Variants in ST7 observed in about 807,000 individuals in gnomAD.
ST7 encodes the protein suppression of tumorigenicity 7, also known as suppressor of tumorigenicity 7 protein.
ST7 carries 28 observed loss-of-function variants against 78.7 expected under a neutral mutation model. The observed-to-expected ratio is 0.36, with a 90% CI of 0.26 to 0.49. The LOEUF (loss-of-function observed/expected upper bound fraction) is 0.49. Ranked by LOEUF, ST7 falls within the 20% of genes least tolerant of loss-of-function variation. The pLI, the probability that ST7 is intolerant of heterozygous loss-of-function variation, is 0.99. For synonymous variants in ST7, 247 were observed against 249.6 expected (o/e 0.99, Z 0.10); for missense variants, 418 against 696.0 (o/e 0.60, Z 4.49).
At chr7:117,110,674 G>T (rs950962730) in intron 2 of ST7, among the ~76,000 whole-genome samples, 1 of 152,218 alleles carries the variant, frequency 6.6e-6, no homozygotes, top group Non-Finnish European at 1.5e-5. Context: ...TAGCAGTAGC[G>T]TGGTGTAGAT....
intron 1 of ST7, among the ~76,000 whole-genome samples, chr7:117,037,494 A>G (rs1157545750): frequency 6.6e-6 from 1 of 152,224 alleles, no homozygotes; most frequent in Non-Finnish European, 1.5e-5. Flanking sequence ...GAATTGAGAT[A>G]CGGGAGTGCT....
chr7:117,030,464 C>T (rs542706098), intron 1 of ST7, among the ~76,000 whole-genome samples: 1 of 152,224 alleles, frequency 6.6e-6, no homozygotes, highest in South Asian at 2.1e-4. Context: ...TATGTCTTAA[C>T]AAATAGATTA....
At chr7:117,148,489 C>T (rs954941988) in intron 9 of ST7, among the ~76,000 whole-genome samples, 1 of 152,028 alleles carries the variant, frequency 6.6e-6, no homozygotes, top group Non-Finnish European at 1.5e-5. Flanking sequence ...TTATCCCATT[C>T]GTGTTTATAG....
chr7:117,159,761 C>T (rs1806982845), intron 9 of ST7, among the ~76,000 whole-genome samples: 1 of 152,104 alleles, frequency 6.6e-6, no homozygotes, highest in East Asian at 1.9e-4. Flanking sequence ...GGCATGGTGA[C>T]ACACACCTGT....
At chr7:117,077,953 T>C (rs1799478355) in intron 1 of ST7, among the ~76,000 whole-genome samples, 2 of 152,004 alleles carry the variant, frequency 1.3e-5, no homozygotes, top group South Asian at 4.2e-4. Context: ...CTTTGTGATA[T>C]GAGTTGCAAA....
chr7:117,168,462 T>C (rs531189738), intron 9 of ST7, among the ~76,000 whole-genome samples: 2 of 152,228 alleles, frequency 1.3e-5, no homozygotes, highest in Admixed American at 1.3e-4. Context: ...TGTTGCCAAA[T>C]GCTGAATGAC....
At chr7:117,206,195 A>G (rs1418412889) in intron 12 of ST7, among the ~76,000 whole-genome samples, 3 of 152,242 alleles carry the variant, frequency 2.0e-5, no homozygotes, top group African/African-American at 4.8e-5. Flanking sequence ...GATTTCTGCC[A>G]TAAGATAGAT....
intron 1 of ST7, among the ~76,000 whole-genome samples, chr7:117,002,534 A>G (rs919330626): frequency 4.6e-5 from 7 of 152,078 alleles, no homozygotes; most frequent in Non-Finnish European, 8.8e-5. Context: ...TAAAAGTTTC[A>G]TTAATTACCT....
At chr7:116,974,685 A>G (rs1793608976) in intron 1 of ST7, among the ~76,000 whole-genome samples, 1 of 152,222 alleles carries the variant, frequency 6.6e-6, no homozygotes, top group Admixed American at 6.5e-5. Flanking sequence ...ACACACTTGT[A>G]TCATCCTGCA....
chr7:116,986,309 C>G (rs948236215), intron 1 of ST7, among the ~76,000 whole-genome samples: 1 of 152,056 alleles, frequency 6.6e-6, no homozygotes, highest in Non-Finnish European at 1.5e-5. Flanking sequence ...GAAGCAGAGT[C>G]AATGAGTTGA....
chr7:117,182,172 G>T (rs930342253), intron 10 of ST7, among the ~76,000 whole-genome samples: 1 of 152,114 alleles, frequency 6.6e-6, no homozygotes, highest in Non-Finnish European at 1.5e-5. Flanking sequence ...TGTGATATTG[G>T]CATATTTCTT....
intron 1 of ST7, among the ~76,000 whole-genome samples, chr7:117,086,125 T>C (rs1425993564): frequency 1.3e-5 from 2 of 152,162 alleles, no homozygotes; most frequent in East Asian, 3.8e-4. Flanking sequence ...TTTTTTTTGT[T>C]TTATTTTCTG....
chr7:116,973,380 C>A (rs1350614833), intron 1 of ST7, among the ~76,000 whole-genome samples: 5 of 152,190 alleles, frequency 3.3e-5, no homozygotes, highest in Non-Finnish European at 5.9e-5. Flanking sequence ...ATCTCAGCCT[C>A]CCGAGTAGCT....
chr7:117,189,736 A>G (rs1259512370), intron 11 of ST7, among the ~76,000 whole-genome samples: 3 of 152,212 alleles, frequency 2.0e-5, no homozygotes, highest in African/African-American at 7.2e-5. Context: ...CTCTCCCTTC[A>G]GCGGTCCATA....
At chr7:117,160,059 G>T (rs1175907179) in intron 9 of ST7, among the ~76,000 whole-genome samples, 1 of 150,946 alleles carries the variant, frequency 6.6e-6, no homozygotes, top group Admixed American at 6.6e-5. Context: ...AAATTAGCCG[G>T]GTGTGTGGCT....
chr7:117,052,011 G>A (rs1008031485), intron 1 of ST7, among the ~76,000 whole-genome samples: 1 of 152,156 alleles, frequency 6.6e-6, no homozygotes, highest in African/African-American at 2.4e-5. Flanking sequence ...CTTTTCATCT[G>A]CTGCAGACTC....
chr7:116,968,293 CTCCTTCCTTCCT>C (rs374262213), intron 1 of ST7: 1,713 of 5,234 alleles, frequency 0.33, 650 homozygotes, highest in South Asian at 0.83. Flanking sequence ...CCCTCCCTCC[CTCCTTCCTTCCT>C]TCCTTCCTTC....
At chr7:117,030,572 A>G (rs1796423620) in intron 1 of ST7, among the ~76,000 whole-genome samples, 1 of 152,236 alleles carries the variant, frequency 6.6e-6, no homozygotes, top group African/African-American at 2.4e-5. Context: ...TGCAGCCAAC[A>G]AGCATATGAA....
chr7:117,122,961 G>T (rs1477229604), intron 3 of ST7, among the ~76,000 whole-genome samples: 1 of 152,136 alleles, frequency 6.6e-6, no homozygotes. Flanking sequence ...AAAGCTGAGG[G>T]TTATCAGTGT....
Sources: gnomAD v4.1 joint callset for allele counts (sites outside exome capture counted in the v4.1 genomes callset) on GRCh38, gnomAD v4.1.1 for gene constraint, MANE v1.5 for transcripts, NCBI Gene and HGNC (gene_info 2026-07-23, HGNC 2026-07-21) for gene names.